METTL15: variants seen among roughly 807,000 people sequenced by gnomAD.
METTL15 encodes the protein methyltransferase 15, mitochondrial 12S rRNA N4-cytidine.
METTL15 carries 34 observed loss-of-function variants against 38.3 expected under a neutral mutation model. The observed-to-expected ratio is 0.89, with a 90% CI of 0.68 to 1.18. The LOEUF (loss-of-function observed/expected upper bound fraction) is 1.18, where lower values mean the gene tolerates loss of function less well. Ranked by LOEUF, METTL15 falls within the 50% of genes most tolerant of loss-of-function variation. The pLI, the probability that METTL15 is intolerant of heterozygous loss-of-function variation, is 0.00. For missense variants in METTL15, 438 were observed against 498.4 expected (o/e 0.88, Z 1.15); for synonymous variants, 162 against 170.9 (o/e 0.95, Z 0.41).
At chr11:28,259,695 A>G (rs1292281261) in intron 4 of METTL15, among the ~76,000 whole-genome samples, 9 of 152,208 alleles carry the variant, frequency 5.9e-5, no homozygotes, top group South Asian at 2.1e-4. Flanking sequence ...TCCCCTGAGC[A>G]TAGAAACACT....
intron 4 of METTL15, among the ~76,000 whole-genome samples, chr11:28,227,555 A>G (rs916391394): frequency 1.3e-5 from 2 of 151,890 alleles, no homozygotes; most frequent in African/African-American, 4.8e-5. Flanking sequence ...CAGAAATGAG[A>G]ATGGCATATT....
intron 6 of METTL15, among the ~76,000 whole-genome samples, chr11:28,321,985 CTA>C (rs748106837): frequency 1.3e-5 from 2 of 151,734 alleles, no homozygotes; most frequent in African/African-American, 4.8e-5. Context: ...AATAAGTTGA[CTA>C]TGTCATTTTG....
At chr11:28,487,020 C>T (rs1308487456) in intron 6 of METTL15, among the ~76,000 whole-genome samples, 1 of 151,994 alleles carries the variant, frequency 6.6e-6, no homozygotes, top group Non-Finnish European at 1.5e-5. Context: ...AAATACAGTG[C>T]CATTTTCTCT....
intron 5 of METTL15, among the ~76,000 whole-genome samples, chr11:28,408,198 A>G (rs1850691110): frequency 6.6e-6 from 1 of 152,280 alleles, no homozygotes; most frequent in East Asian, 1.9e-4. Flanking sequence ...TAAATAGCCA[A>G]TGCATGCGGG....
Position 28,330,814 on chromosome 11 carries a change from C to T in METTL15, c.1197C>T (p.Ala399=), listed in dbSNP as rs1256173645. The T allele has an allele frequency of 6.5e-6, 10 of 1,549,562 alleles. No individual in the cohort carries two copies. The highest frequency in any genetic ancestry group is 8.7e-6 in the Non-Finnish European group (10 of 1,146,250). ...DVQDNPRGRS[A]KLRAAIKL ...AAGATAACCCCAGAGGGCGCTCAGC[C>T]AAGCTTAGAGCAGCTATCAAATTAT... is the stretch of plus-strand genomic sequence containing the variant. The change falls in exon 7 of 7, where the codon GCC becomes GCT. Residue 399 remains alanine, a synonymous_variant. Transcript: ENST00000407364.
chr11:28,162,853 G>GGTTTTGA (rs1850516720), intron 3 of METTL15, among the ~76,000 whole-genome samples: 2 of 152,022 alleles, frequency 1.3e-5, no homozygotes. Context: ...TTCAAGGTAT[G>GGTTTTGA]GTTTTGACTG....
intron 3 of METTL15, among the ~76,000 whole-genome samples, chr11:28,141,495 C>T (rs1013791324): frequency 3.3e-5 from 5 of 151,660 alleles, no homozygotes; most frequent in Non-Finnish European, 7.4e-5. Context: ...CCAGCCTTGG[C>T]AACATAGTGA....
rs564458985 is a variant in METTL15 at position 28,191,881 on chromosome 11, G to A, written c.271-19181G>A. On this transcript the variant is annotated intron_variant, in intron 3 of 6. Transcript: ENST00000407364. ...TGCCTAATTTTCCTCCCTTAGCAAA[G>A]GTAATAAGAATTTTCTTAAACTGAG... 2.0e-5 allele frequency among the ~76,000 whole-genome samples: 3 copies of A among 151,568 alleles called. No homozygotes were observed. In the East Asian group the frequency reaches 5.8e-4, roughly 29 times the overall value.
chr11:28,499,152 G>A (rs1281280435), intron 6 of METTL15, among the ~76,000 whole-genome samples: 2 of 152,032 alleles, frequency 1.3e-5, no homozygotes, highest in African/African-American at 2.4e-5. Flanking sequence ...CTACCTCAGG[G>A]GTCTGCTGGT....
rs1856456013 is a variant in METTL15, at chr11:28,290,228, G to T, written c.430G>T (p.Gly144Cys). 4.3e-6 allele frequency: 7 copies of T among 1,612,146 alleles called. No homozygotes were observed. The highest frequency in any genetic ancestry group is 4.2e-6 in the Non-Finnish European group (5 of 1,179,040). ...CAGTAAACAAATCCGAGCTATGCTG[G>T]GCCAGTTCAGCCAGGCAGAAGCCTT... Reference protein sequence around the residue: ...LYPKQIRAMLGQFSQAEALLM... With the variant: ...LYPKQIRAMLCQFSQAEALLM... Residue 144 changes from glycine (G) to cysteine (C), a missense_variant, in exon 5 of 7, where the codon GGC (glycine) becomes TGC (cysteine). Coordinates refer to ENST00000407364, the MANE Select transcript of METTL15 (RefSeq NM_001113528.2).
chr11:28,328,180 T>C, intron 6 of METTL15: 1 of 1,606,788 alleles, frequency 6.2e-7, no homozygotes. Flanking sequence ...GAAGCTGGCC[T>C]TCCTTTTCAG....
intron 3 of METTL15, among the ~76,000 whole-genome samples, chr11:28,204,139 A>T (rs1444957956): frequency 1.3e-5 from 2 of 152,044 alleles, no homozygotes; most frequent in Admixed American, 6.6e-5. Context: ...TTTTGCACTG[A>T]TGCTGCCACA....
chr11:28,180,869 G>T (rs1371522378), intron 3 of METTL15, among the ~76,000 whole-genome samples: 1 of 151,744 alleles, frequency 6.6e-6, no homozygotes, highest in Admixed American at 6.6e-5. Context: ...GCCATTAAGT[G>T]TTTGTTATCA....
chr11:28,360,758 T>C (rs113092439), intron 4 of METTL15, among the ~76,000 whole-genome samples: 1 of 151,410 alleles, frequency 6.6e-6, no homozygotes, highest in African/African-American at 2.4e-5. Context: ...GCTGCACCCA[T>C]TAACTCGTCA....
chr11:28,253,443 T>C (rs1184782121), intron 4 of METTL15, among the ~76,000 whole-genome samples: 2 of 152,178 alleles, frequency 1.3e-5, no homozygotes, highest in Non-Finnish European at 2.9e-5. Flanking sequence ...GCATTTATTC[T>C]TTGAGTGAAA....
chr11:28,143,989 G>C (rs891098412), intron 3 of METTL15, among the ~76,000 whole-genome samples: 2 of 152,108 alleles, frequency 1.3e-5, no homozygotes, highest in African/African-American at 4.8e-5. Context: ...TTCTGCTCCA[G>C]CAGGCACTGA....
At chr11:28,463,712 A>G (rs2133457192) in intron 6 of METTL15, among the ~76,000 whole-genome samples, 1 of 152,060 alleles carries the variant, frequency 6.6e-6, no homozygotes, top group South Asian at 2.1e-4. Flanking sequence ...GGGACTTAGT[A>G]CCACAAAAGA....
intron 3 of METTL15, chr11:28,197,675 C>T (rs1004124216): frequency 4.9e-5 from 14 of 283,824 alleles, no homozygotes; most frequent in Non-Finnish European, 1.0e-4. Context: ...CTATTTCTCC[C>T]TGCAATATGC....
intron 6 of METTL15, chr11:28,526,425 A>T (rs1236689560): frequency 2.0e-5 from 3 of 152,274 alleles, no homozygotes; most frequent in African/African-American, 7.2e-5. Flanking sequence ...ATTTGTTGGC[A>T]TACAATTGCT....
Sources: gnomAD v4.1 joint callset for allele counts (sites outside exome capture counted in the v4.1 genomes callset) on GRCh38, gnomAD v4.1.1 for gene constraint, MANE v1.5 for transcripts, NCBI Gene and HGNC (gene_info 2026-07-23, HGNC 2026-07-21) for gene names.